The following CASK variants were observed in gnomAD, a reference collection of about 807,000 sequenced individuals.
CASK encodes calcium/calmodulin dependent serine protein kinase.
In CASK, 4 loss-of-function variants were observed where a neutral mutation model predicts 82.9. That is an observed-to-expected ratio of 0.05 (90% CI 0.02 to 0.11). The LOEUF (loss-of-function observed/expected upper bound fraction) is 0.11. Ranked by LOEUF, CASK falls within the 10% of genes least tolerant of loss-of-function variation. CASK has a pLI of 1.00. For synonymous variants in CASK, 259 were observed against 253.5 expected (o/e 1.02, Z -0.20); for missense variants, 358 against 720.9 (o/e 0.50, Z 5.76).
At chrX:41,896,447 A>T (rs1281005778) in intron 1 of CASK, among the ~76,000 whole-genome samples, 1 of 112,517 alleles carries the variant, frequency 8.9e-6, no homozygotes, top group Non-Finnish European at 1.9e-5. Flanking sequence ...GGAAAAGACA[A>T]TGTTAATTAT....
intron 2 of CASK, among the ~76,000 whole-genome samples, chrX:41,819,147 G>A (rs911991329): frequency 8.1e-5 from 9 of 111,159 alleles, no homozygotes; most frequent in African/African-American, 2.9e-4. Context: ...TAAACCTCTA[G>A]CTAAAAATGA....
At chrX:41,669,190 G>T (rs1490388028) in intron 6 of CASK, among the ~76,000 whole-genome samples, 4 of 111,697 alleles carry the variant, frequency 3.6e-5, no homozygotes, top group African/African-American at 1.3e-4. Context: ...TTGACCATCA[G>T]GAAGTATTTT....
At chrX:41,582,702 T>A (rs2065598918) in intron 14 of CASK, among the ~76,000 whole-genome samples, 1 of 111,717 alleles carries the variant, frequency 9.0e-6, no homozygotes, top group Non-Finnish European at 1.9e-5. Flanking sequence ...CCTTGTTAAC[T>A]GTATCTCAGC....
At position 41,629,846 on chromosome X, in the gene CASK, G is replaced by A. The variant is rs189583268; in HGVS notation, c.916-3143C>T. ...TGCTAATAATGTAATATTGCTCATCGATAGCAATAATGTAATACAACAATT... is the reference window on the plus strand; with the variant it reads ...TGCTAATAATGTAATATTGCTCATCAATAGCAATAATGTAATACAACAATT... On this transcript the variant is annotated intron_variant, in intron 9 of 26. Coordinates refer to ENST00000378163, the MANE Select transcript of CASK (RefSeq NM_001367721.1). Among the ~76,000 whole-genome samples, 430 of 111,841 alleles carry A rather than the reference G, an allele frequency of 3.8e-3. 4 individuals are homozygous for A. The highest frequency in any genetic ancestry group is 0.013 in the African/African-American group (410 of 30,873).
Position 41,607,102 on chromosome X carries a change from A to G in CASK, c.1155+2802T>C, listed in dbSNP as rs1269326493. 3.5e-5 allele frequency among the ~76,000 whole-genome samples: 4 copies of G among 112,871 alleles called. No individual in the cohort carries two copies. In the East Asian group the frequency reaches 1.1e-3, roughly 31 times the overall value. The stretch of plus-strand genomic sequence containing the variant: ...GCCAATAAGGCAGATACTTCTTTAT[A>G]ATGTAAACAAATGCAAAGGAAAGTT... On this transcript the variant is annotated intron_variant, in intron 12 of 26. Transcript: ENST00000378163.
In CASK at chrX:41,853,531, T is replaced by C. The variant is rs1305770905; in HGVS notation, c.60-304A>G. ...TTATGCTCAAGGCAAATAATGACTG[T>C]ACAATTCTATATAGATTATCAACAT... On this transcript the variant is annotated intron_variant, in intron 1 of 26. Transcript: ENST00000378163. 3.6e-5 allele frequency among the ~76,000 whole-genome samples: 4 copies of C among 112,014 alleles called. No homozygotes were observed. In the Admixed American group the frequency reaches 3.8e-4, roughly 11 times the overall value.
intron 5 of CASK, among the ~76,000 whole-genome samples, chrX:41,682,156 T>A (rs2067367611): frequency 9.1e-6 from 1 of 109,948 alleles, no homozygotes; most frequent in Admixed American, 9.8e-5. Context: ...AAATACCTTT[T>A]TAAGTAGTAT....
chrX:41,743,604 C>T (rs941483807), intron 4 of CASK: 2 of 293,343 alleles, frequency 6.8e-6, no homozygotes, highest in African/African-American at 5.5e-5. Context: ...CTGCTCCATC[C>T]CTGAGACTAG....
At chrX:41,702,522 G>A (rs772865799) in intron 5 of CASK, among the ~76,000 whole-genome samples, 3 of 111,179 alleles carry the variant, frequency 2.7e-5, no homozygotes, top group Admixed American at 9.5e-5. Context: ...TTTGCCAGGC[G>A]TGGTGGCTCA....
intron 1 of CASK, among the ~76,000 whole-genome samples, chrX:41,875,533 A>G (rs939704729): frequency 9.0e-6 from 1 of 110,965 alleles, no homozygotes; most frequent in African/African-American, 3.3e-5. Flanking sequence ...CTCACTCCAG[A>G]GTTATTGAAG....
At chrX:41,746,410 A>C (rs1002287990) in intron 3 of CASK, among the ~76,000 whole-genome samples, 1 of 110,927 alleles carries the variant, frequency 9.0e-6, no homozygotes, top group African/African-American at 3.3e-5. Flanking sequence ...CTTCCCTGGA[A>C]GCCCCCTCAA....
chrX:41,759,814 T>C (rs964691391), intron 3 of CASK, among the ~76,000 whole-genome samples: 5 of 112,324 alleles, frequency 4.5e-5, no homozygotes, highest in Non-Finnish European at 9.4e-5. Flanking sequence ...AAAATTGATA[T>C]GTAGTCTGAA....
At chrX:41,604,173 C>T (rs2065929630) in intron 12 of CASK, among the ~76,000 whole-genome samples, 1 of 108,342 alleles carries the variant, frequency 9.2e-6, no homozygotes, top group Non-Finnish European at 1.9e-5. Flanking sequence ...TTTGCACTCA[C>T]ACGTGAAGAA....
chrX:41,623,943 C>T (rs942220355), intron 10 of CASK, among the ~76,000 whole-genome samples: 3 of 111,741 alleles, frequency 2.7e-5, no homozygotes, highest in African/African-American at 9.8e-5. Flanking sequence ...CTCTTAGGCT[C>T]AAGCAATCCT....
chrX:41,907,127 T>C (rs191233779), intron 1 of CASK, among the ~76,000 whole-genome samples: 1 of 112,611 alleles, frequency 8.9e-6, no homozygotes, highest in East Asian at 2.8e-4. Flanking sequence ...ATTTCCTGTA[T>C]CTTCCCCAGC....
intron 8 of CASK, among the ~76,000 whole-genome samples, chrX:41,650,948 A>T (rs1205515355): frequency 8.9e-6 from 1 of 112,126 alleles, no homozygotes; most frequent in East Asian, 2.8e-4. Context: ...TGACATAAGT[A>T]GTGAAGTTAA....
chrX:41,623,365 A>G (rs2066316049), intron 10 of CASK, among the ~76,000 whole-genome samples: 2 of 112,349 alleles, frequency 1.8e-5, no homozygotes, highest in African/African-American at 3.2e-5. Context: ...AAGTTTTTAA[A>G]CTGTTATTTT....
rs141877551 is a variant in CASK, at chrX:41,565,674, C to T, written c.1582+3994G>A. Among the ~76,000 whole-genome samples the T allele has an allele frequency of 3.6e-3, 406 of 111,812 alleles. 3 individuals carry two copies. The highest frequency in any genetic ancestry group is 0.012 in the African/African-American group (354 of 30,759). On this transcript the variant is annotated intron_variant, in intron 16 of 26. Coordinates refer to ENST00000378163, the MANE Select transcript of CASK (RefSeq NM_001367721.1). ...CCGGAGGTACAAAGAGGAGCTGGTA[C>T]CATTCCTTCTGAAACTATTCCAATC...
At chrX:41,834,307 A>C (rs931167104) in intron 2 of CASK, among the ~76,000 whole-genome samples, 5 of 111,795 alleles carry the variant, frequency 4.5e-5, no homozygotes, top group Non-Finnish European at 7.5e-5. Context: ...AAAATGAGAG[A>C]AGAAAAATTT....
Sources: gnomAD v4.1 joint callset for allele counts (sites outside exome capture counted in the v4.1 genomes callset) on GRCh38, gnomAD v4.1.1 for gene constraint, MANE v1.5 for transcripts, NCBI Gene and HGNC (gene_info 2026-07-23, HGNC 2026-07-21) for gene names.